GUCY1A2: variants seen among roughly 807,000 people sequenced by gnomAD.
The protein encoded by GUCY1A2 is guanylate cyclase soluble subunit alpha-2.
In GUCY1A2, 27 loss-of-function variants were observed where a neutral mutation model predicts 63.5. The ratio of observed to expected loss-of-function variants is 0.43; its 90% CI spans 0.31 to 0.59. GUCY1A2 has a LOEUF of 0.59. Among genes scored for constraint, GUCY1A2 ranks in the 20% least tolerant of loss-of-function variants. GUCY1A2 has a pLI of 0.11. For synonymous variants in GUCY1A2, 364 were observed against 343.5 expected (o/e 1.06, Z -0.66); for missense variants, 768 against 913.3 (o/e 0.84, Z 2.05).
At chr11:106,895,877 G>A (rs1052270546) in intron 4 of GUCY1A2, among the ~76,000 whole-genome samples, 7 of 151,862 alleles carry the variant, frequency 4.6e-5, no homozygotes, top group African/African-American at 7.3e-5. Context: ...AAATCAAGCC[G>A]GGTATGGTGG....
At position 106,939,875 on chromosome 11, in the gene GUCY1A2, A is replaced by G; in HGVS notation, c.791T>C (p.Leu264Pro). 1 of 1,614,178 alleles carries G rather than the reference A, an allele frequency of 6.2e-7. No homozygotes were observed. The highest frequency in any genetic ancestry group is 8.5e-7 in the Non-Finnish European group (1 of 1,180,026). The change falls in exon 4 of 8, where the codon CTG becomes CCG. Residue 264 changes from leucine (L) to proline (P), a missense_variant. Physicochemically the swap from Leu to Pro is moderately conservative, Grantham distance 98 (BLOSUM62 -3). Around this residue, in one of 3 missense-constraint regions of GUCY1A2, gnomAD observed 496 missense variants for 486.9 expected, o/e 1.02. Coordinates refer to ENST00000526355, the MANE Select transcript of GUCY1A2 (RefSeq NM_000855.3). ...TGCAACCTGTTCCACTTCCACATCC[A>G]GCCGATAGATCTTCTTTCCTGCAGC... Reference protein sequence around the residue: ...IKAAGKKIYRLDVEVEQVANE... With the variant: ...IKAAGKKIYRPDVEVEQVANE...
At chr11:106,852,422 A>T (rs1328694143) in intron 4 of GUCY1A2, among the ~76,000 whole-genome samples, 1 of 152,070 alleles carries the variant, frequency 6.6e-6, no homozygotes, top group Non-Finnish European at 1.5e-5. Flanking sequence ...GCTTTTCCCG[A>T]TTCAGTATGT....
At chr11:106,780,745 A>G (rs1661999052) in intron 5 of GUCY1A2, among the ~76,000 whole-genome samples, 1 of 152,160 alleles carries the variant, frequency 6.6e-6, no homozygotes, top group African/African-American at 2.4e-5. Flanking sequence ...TAATATCAAA[A>G]TGTCTGGAAA....
intron 3 of GUCY1A2, among the ~76,000 whole-genome samples, chr11:106,956,998 G>A (rs906600294): frequency 2.6e-5 from 4 of 152,168 alleles, no homozygotes; most frequent in African/African-American, 7.2e-5. Flanking sequence ...TGGAGATCCT[G>A]CAGGGAAGCC....
intron 6 of GUCY1A2, among the ~76,000 whole-genome samples, chr11:106,755,405 G>C (rs1863955606): frequency 6.6e-6 from 1 of 151,854 alleles, no homozygotes. Flanking sequence ...GAATTTGTTT[G>C]CTCTTACTTC....
At chr11:106,786,183 A>G (rs1335156943) in intron 5 of GUCY1A2, among the ~76,000 whole-genome samples, 1 of 152,224 alleles carries the variant, frequency 6.6e-6, no homozygotes, top group African/African-American at 2.4e-5. Flanking sequence ...AGCAATTCAA[A>G]TGGAAACAGG....
chr11:106,701,457 C>G (rs1159210958), intron 7 of GUCY1A2, among the ~76,000 whole-genome samples: 1 of 152,142 alleles, frequency 6.6e-6, no homozygotes, highest in Non-Finnish European at 1.5e-5. Flanking sequence ...GAAAACGAAT[C>G]TCCCTTGCTG....
intron 4 of GUCY1A2, chr11:106,826,915 A>G (rs1352271218): frequency 1.2e-6 from 2 of 1,609,088 alleles, no homozygotes; most frequent in Non-Finnish European, 1.7e-6. Flanking sequence ...GTTACCATGG[A>G]GAAAAGGTTC....
chr11:106,748,244 TTCTC>T (rs1314218828), intron 6 of GUCY1A2, among the ~76,000 whole-genome samples: 1 of 151,878 alleles, frequency 6.6e-6, no homozygotes, highest in Non-Finnish European at 1.5e-5. Flanking sequence ...TGAAAGCTCT[TTCTC>T]TATGAAAAGA....
intron 4 of GUCY1A2, among the ~76,000 whole-genome samples, chr11:106,881,388 TTTTG>T (rs1859821463): frequency 6.6e-6 from 1 of 152,040 alleles, no homozygotes; most frequent in African/African-American, 2.4e-5. Flanking sequence ...TATTTACTAT[TTTTG>T]TTTTTTATTT....
chr11:106,906,855 T>C (rs955392275), intron 4 of GUCY1A2, among the ~76,000 whole-genome samples: 2 of 141,006 alleles, frequency 1.4e-5, no homozygotes, highest in African/African-American at 4.9e-5. Context: ...AAACACCACA[T>C]GTCCTCACTC....
rs1859999088 is a variant in GUCY1A2 at position 106,893,299 on chromosome 11, A to T, written c.1206+46161T>A. Among the ~76,000 whole-genome samples the T allele has an allele frequency of 2.0e-5, 3 of 152,210 alleles. No homozygotes were observed. In the South Asian group the frequency reaches 6.2e-4, roughly 31 times the overall value. Reference sequence around the variant, plus strand: ...AGCACATATCTATTTGTAACCACTGAATCAAAAACATGTTGGTTAAAGGCA... The same window carrying T: ...AGCACATATCTATTTGTAACCACTGTATCAAAAACATGTTGGTTAAAGGCA... On this transcript the variant is annotated intron_variant, in intron 4 of 7. Coordinates refer to ENST00000526355, the MANE Select transcript of GUCY1A2 (RefSeq NM_000855.3).
At chr11:106,865,484 G>C (rs924190830) in intron 4 of GUCY1A2, among the ~76,000 whole-genome samples, 2 of 152,032 alleles carry the variant, frequency 1.3e-5, no homozygotes, top group African/African-American at 4.8e-5. Flanking sequence ...AAAAGGATGA[G>C]TTCATGTCCT....
intron 2 of GUCY1A2, among the ~76,000 whole-genome samples, chr11:106,983,429 T>G (rs1179791690): frequency 6.6e-6 from 1 of 152,232 alleles, no homozygotes; most frequent in Non-Finnish European, 1.5e-5. Flanking sequence ...CCAGTCCTTC[T>G]GTCTGTGACC....
intron 5 of GUCY1A2, among the ~76,000 whole-genome samples, chr11:106,781,110 T>TCC (rs1452700964): frequency 4.1e-5 from 1 of 24,628 alleles, no homozygotes; most frequent in African/African-American, 2.3e-4. Context: ...GTAAACAGAC[T>TCC]ACAAAAAAAA....
At chr11:106,903,341 T>C (rs1214077040) in intron 4 of GUCY1A2, among the ~76,000 whole-genome samples, 2 of 152,178 alleles carry the variant, frequency 1.3e-5, no homozygotes, top group Non-Finnish European at 2.9e-5. Flanking sequence ...CTTGATTCAA[T>C]TTACTTTGAC....
intron 6 of GUCY1A2, among the ~76,000 whole-genome samples, chr11:106,730,226 C>T (rs984768910): frequency 2.0e-4 from 31 of 151,306 alleles, no homozygotes; most frequent in Admixed American, 2.0e-3. Context: ...ACCCAGGTAA[C>T]AAGCATAGTA....
intron 4 of GUCY1A2, among the ~76,000 whole-genome samples, chr11:106,915,382 A>G (rs1368211915): frequency 6.6e-6 from 1 of 152,130 alleles, no homozygotes; most frequent in Non-Finnish European, 1.5e-5. Flanking sequence ...AGGTATCTGT[A>G]CTACCGACGA....
At chr11:106,999,399 A>T (rs903468168) in intron 1 of GUCY1A2, among the ~76,000 whole-genome samples, 3 of 152,176 alleles carry the variant, frequency 2.0e-5, no homozygotes, top group African/African-American at 7.2e-5. Flanking sequence ...TATGCCCATG[A>T]TTCATTTCTA....
Sources: allele counts gnomAD v4.1 joint callset (sites outside exome capture counted in the v4.1 genomes callset), GRCh38; gene constraint gnomAD v4.1.1; regional missense constraint gnomAD v4.1.1; transcripts MANE v1.5; gene names NCBI Gene and HGNC (gene_info 2026-07-23, HGNC 2026-07-21).